NBAS: variants seen among roughly 807,000 people sequenced by gnomAD.
NBAS encodes the protein NBAS subunit of NRZ tethering complex.
NBAS carries 219 observed loss-of-function variants against 302.5 expected under a neutral mutation model. The ratio of observed to expected loss-of-function variants is 0.72; its 90% confidence interval spans 0.65 to 0.81. The LOEUF is 0.81. Ranked by LOEUF, NBAS falls within the 30% of genes least tolerant of loss-of-function variation. The pLI is 0.00. For synonymous variants in NBAS, 1,118 were observed against 1,021.6 expected (o/e 1.09, Z -1.80); for missense variants, 2,932 against 2,841.6 (o/e 1.03, Z -0.72).
the NBAS span, among the ~76,000 whole-genome samples, chr2:14,964,529 T>A: frequency 6.6e-6 from 1 of 151,982 alleles, no homozygotes; most frequent in Non-Finnish European, 1.5e-5. Context: ...TAATAAATAA[T>A]CAAAATACAT....
At chr2:15,434,513 C>G (rs1677915837) in intron 21 of NBAS, among the ~76,000 whole-genome samples, 1 of 152,124 alleles carries the variant, frequency 6.6e-6, no homozygotes, top group Non-Finnish European at 1.5e-5. Flanking sequence ...TAAAATGACC[C>G]ACATCAAAAA....
the NBAS span, among the ~76,000 whole-genome samples, chr2:15,098,347 A>T: frequency 0.012 from 22 of 1,844 alleles, 5 homozygotes; most frequent in South Asian, 0.14. Context: ...TATAATATAT[A>T]ATATATGATA....
intron 38 of NBAS, among the ~76,000 whole-genome samples, chr2:15,309,701 T>C (rs914717025): frequency 6.6e-6 from 1 of 152,206 alleles, no homozygotes; most frequent in Non-Finnish European, 1.5e-5. Context: ...GATGATAATA[T>C]GATTTTGTTC....
the NBAS span, among the ~76,000 whole-genome samples, chr2:15,147,812 G>C: frequency 1.3e-5 from 2 of 152,072 alleles, no homozygotes; most frequent in African/African-American, 4.8e-5. Flanking sequence ...TATCACATCA[G>C]TTCATGACTG....
At chr2:14,839,988 G>T in the NBAS span, among the ~76,000 whole-genome samples, 3 of 151,862 alleles carry the variant, frequency 2.0e-5, no homozygotes, top group Admixed American at 6.6e-5. Context: ...TTCTGGCCAA[G>T]AATTTAAAAT....
At chr2:15,435,722 G>A (rs1177040757) in intron 21 of NBAS, among the ~76,000 whole-genome samples, 1 of 152,156 alleles carries the variant, frequency 6.6e-6, no homozygotes, top group Non-Finnish European at 1.5e-5. Flanking sequence ...TTCCAGTCCA[G>A]ATTGGTTTCT....
chr2:14,805,342 C>A, the NBAS span, among the ~76,000 whole-genome samples: 1 of 151,986 alleles, frequency 6.6e-6, no homozygotes, highest in African/African-American at 2.4e-5. Flanking sequence ...TCTGAGGAGA[C>A]CCAGGAAGAG....
chr2:14,871,348 T>C, the NBAS span, among the ~76,000 whole-genome samples: 1 of 152,094 alleles, frequency 6.6e-6, no homozygotes, highest in African/African-American at 2.4e-5. Flanking sequence ...AAAGGTGTTT[T>C]CAGACACAAA....
the NBAS span, among the ~76,000 whole-genome samples, chr2:14,819,281 T>C: frequency 2.0e-5 from 3 of 152,240 alleles, no homozygotes; most frequent in Non-Finnish European, 2.9e-5. Context: ...GTTTTCTCTC[T>C]GCAAATCCTA....
chr2:15,543,537 A>T lies in NBAS; in HGVS notation c.380-4181T>A, dbSNP rs145560687. 3.7e-4 allele frequency among the ~76,000 whole-genome samples: 57 copies of T among 152,310 alleles called. 1 individual carries two copies. In the East Asian group the frequency reaches 0.011, roughly 29 times the overall value. On this transcript the variant is annotated intron_variant, in intron 6 of 51. Coordinates refer to ENST00000281513, the MANE Select transcript of NBAS (RefSeq NM_015909.4). ...TTACAAAAGAAAGAGGTTTAATTGA[A>T]TTTACAGTTCCATGTGGTTAGGGAA...
intron 12 of NBAS, among the ~76,000 whole-genome samples, chr2:15,484,112 A>G (rs755148817): frequency 2.4e-4 from 37 of 152,156 alleles, no homozygotes; most frequent in Non-Finnish European, 4.9e-4. Flanking sequence ...GCCACTTTAC[A>G]TATTTGGTAA....
At chr2:15,172,159 T>C (rs1474586673) in intron 51 of NBAS, among the ~76,000 whole-genome samples, 1 of 152,242 alleles carries the variant, frequency 6.6e-6, no homozygotes, top group Non-Finnish European at 1.5e-5. Flanking sequence ...TTCTCAGCTT[T>C]AGGTGTTAAT....
chr2:15,088,383 C>T, the NBAS span, among the ~76,000 whole-genome samples: 1 of 152,176 alleles, frequency 6.6e-6, no homozygotes, highest in Non-Finnish European at 1.5e-5. Flanking sequence ...TTCTGCTCTT[C>T]TTTTCAAATT....
chr2:15,082,506 G>A, the NBAS span, among the ~76,000 whole-genome samples: 10 of 152,044 alleles, frequency 6.6e-5, no homozygotes, highest in South Asian at 2.1e-4. Flanking sequence ...CCTTTAATTC[G>A]GCTCCATGCT....
the NBAS span, among the ~76,000 whole-genome samples, chr2:14,880,061 T>C: frequency 1.2e-4 from 19 of 152,108 alleles, no homozygotes; most frequent in Non-Finnish European, 2.2e-4. Flanking sequence ...CTTGGAGACT[T>C]AGCAGTGAGG....
the NBAS span, among the ~76,000 whole-genome samples, chr2:15,030,897 T>C: frequency 6.6e-6 from 1 of 152,118 alleles, no homozygotes. Context: ...TGTCCTCTCA[T>C]TGAGAACCAC....
At chr2:15,553,326 T>C in intron 5 of NBAS, 100 bp downstream of exon 5, 1 of 1,086,324 alleles carries the variant, frequency 9.2e-7, no homozygotes, top group Admixed American at 2.0e-5. Context: ...AATAATAAAA[T>C]CCTTTTAAAT....
chr2:15,104,773 G>A, the NBAS span, among the ~76,000 whole-genome samples: 3 of 151,948 alleles, frequency 2.0e-5, no homozygotes, highest in Non-Finnish European at 4.4e-5. Context: ...TCTTACTGTG[G>A]TTTATATTTG....
rs751242460 is a variant in NBAS at position 15,561,177 on chromosome 2, G to A, written c.117+11C>T. ...CCAAGCTGGCTGCTGCTGTAGATGG[G>A]CCTGGTTCACCTGTACTTCAGTCTC... On this transcript the variant is annotated intron_variant, in intron 1 of 51. Transcript: ENST00000281513. The A allele has an allele frequency of 1.2e-6, 2 of 1,611,344 alleles. No homozygotes were observed. The highest frequency in any genetic ancestry group is 1.7e-6 in the Non-Finnish European group (2 of 1,178,236).
Sources: gnomAD v4.1 joint callset for allele counts (sites outside exome capture counted in the v4.1 genomes callset) on GRCh38, gnomAD v4.1.1 for gene constraint, MANE v1.5 for transcripts, NCBI Gene and HGNC (gene_info 2026-07-23, HGNC 2026-07-21) for gene names.